CCDC148: variants seen among roughly 807,000 people sequenced by gnomAD.
The protein encoded by CCDC148 is coiled-coil domain-containing protein 148.
CCDC148 carries 89 observed loss-of-function variants against 85.7 expected under a neutral mutation model. The ratio of observed to expected loss-of-function variants is 1.04; its 90% CI spans 0.87 to 1.24. The LOEUF (loss-of-function observed/expected upper bound fraction) is 1.24, where lower values mean the gene tolerates loss of function less well. Among genes scored for constraint, CCDC148 ranks in the 50% most tolerant of loss-of-function variants. The probability of loss-of-function intolerance (pLI) is 0.00; values close to 1 mark genes in which losing one functional copy is unlikely to be tolerated. For missense variants in CCDC148, 692 were observed against 671.7 expected, an observed-to-expected ratio of 1.03 and a Z score of -0.33; for synonymous variants, 230 against 213.9, an observed-to-expected ratio of 1.08 and a Z score of -0.66.
intron 1 of CCDC148, among the ~76,000 whole-genome samples, chr2:158,421,100 G>A (rs1278994618): frequency 1.3e-5 from 2 of 152,044 alleles, no homozygotes; most frequent in Non-Finnish European, 2.9e-5. Context: ...AGTTCTTAGA[G>A]ACCTACAAAG....
At chr2:158,289,609 C>T (rs1690794083) in intron 9 of CCDC148, among the ~76,000 whole-genome samples, 1 of 152,154 alleles carries the variant, frequency 6.6e-6, no homozygotes, top group Non-Finnish European at 1.5e-5. Flanking sequence ...TGTGGAACAA[C>T]AGGATCTTTT....
chr2:158,426,666 C>T (rs1028437290), intron 1 of CCDC148, among the ~76,000 whole-genome samples: 4 of 152,182 alleles, frequency 2.6e-5, no homozygotes, highest in African/African-American at 9.7e-5. Context: ...GGGATTGGCA[C>T]ATGTGTCCGC....
chr2:158,378,387 A>C (rs13425848), intron 1 of CCDC148, among the ~76,000 whole-genome samples: 1 of 152,116 alleles, frequency 6.6e-6, no homozygotes, highest in African/African-American at 2.4e-5. Flanking sequence ...ATAAGGTTTA[A>C]GGAAGGTTGC....
At chr2:158,353,338 C>T (rs1440241953) in intron 2 of CCDC148, among the ~76,000 whole-genome samples, 19 of 148,204 alleles carry the variant, frequency 1.3e-4, no homozygotes, top group South Asian at 4.3e-4. Flanking sequence ...ACCCATCTCA[C>T]GTGCAGACAC....
At chr2:158,205,235 C>A (rs933117465) in intron 11 of CCDC148, among the ~76,000 whole-genome samples, 1 of 152,018 alleles carries the variant, frequency 6.6e-6, no homozygotes, top group Non-Finnish European at 1.5e-5. Context: ...TTTAATAAGC[C>A]CTTGGCTGTA....
intron 1 of CCDC148, among the ~76,000 whole-genome samples, chr2:158,407,391 T>C (rs962463430): frequency 1.3e-5 from 2 of 152,206 alleles, no homozygotes; most frequent in Non-Finnish European, 2.9e-5. Flanking sequence ...GGAGTCACCC[T>C]ATCTCAAGGT....
At chr2:158,327,336 A>T (rs573568490) in intron 7 of CCDC148, among the ~76,000 whole-genome samples, 4 of 152,202 alleles carry the variant, frequency 2.6e-5, no homozygotes, top group Non-Finnish European at 5.9e-5. Context: ...GATGATAAAA[A>T]CTATTCAAAC....
chr2:158,317,264 T>C (rs1692324075), intron 7 of CCDC148, among the ~76,000 whole-genome samples: 1 of 152,328 alleles, frequency 6.6e-6, no homozygotes, highest in Admixed American at 6.5e-5. Context: ...TTCCTTTTTG[T>C]CCGTCTAAAC....
At chr2:158,236,108 T>C (rs1688094587) in intron 10 of CCDC148, 1 of 152,216 alleles carries the variant, frequency 6.6e-6, no homozygotes, top group Non-Finnish European at 1.5e-5. Flanking sequence ...TGCCTTTTAT[T>C]ATAAATTGTT....
In CCDC148 at chr2:158,280,597, C is replaced by G. The variant is rs186953225; in HGVS notation, c.1110+28836G>C. Among the ~76,000 whole-genome samples the G allele has an allele frequency of 2.6e-3, 401 of 152,262 alleles. 3 individuals are homozygous for G. The highest frequency in any genetic ancestry group is 9.0e-3 in the African/African-American group (373 of 41,530). ...GCTAACTATCCTAAATATATATGCA[C>G]CCAATACAGAAGCACCCAGATTCAT... is the stretch of plus-strand genomic sequence containing the variant. On this transcript the variant is annotated intron_variant, in intron 9 of 13. Coordinates refer to ENST00000283233, the MANE Select transcript of CCDC148 (RefSeq NM_138803.4).
intron 7 of CCDC148, among the ~76,000 whole-genome samples, chr2:158,314,832 T>C (rs1692203037): frequency 6.6e-6 from 1 of 152,212 alleles, no homozygotes; most frequent in Non-Finnish European, 1.5e-5. Context: ...ATATCAATGG[T>C]CTTATACTTT....
At chr2:158,241,887 G>C (rs1688366026) in intron 10 of CCDC148, among the ~76,000 whole-genome samples, 1 of 152,082 alleles carries the variant, frequency 6.6e-6, no homozygotes, top group Non-Finnish European at 1.5e-5. Flanking sequence ...TTTACAATAA[G>C]GTCAGCAAGT....
chr2:158,226,822 A>G (rs1300555768), intron 10 of CCDC148, among the ~76,000 whole-genome samples: 7 of 152,164 alleles, frequency 4.6e-5, no homozygotes, highest in Non-Finnish European at 1.0e-4. Flanking sequence ...AATAAGAGCT[A>G]TCTATGACAA....
intron 11 of CCDC148, among the ~76,000 whole-genome samples, chr2:158,215,868 A>G (rs986855490): frequency 9.2e-5 from 14 of 152,048 alleles, no homozygotes; most frequent in Non-Finnish European, 1.9e-4. Context: ...AAGAAAAGAC[A>G]CTCAAGTACT....
intron 7 of CCDC148, among the ~76,000 whole-genome samples, chr2:158,328,463 A>C (rs1177389422): frequency 3.3e-5 from 5 of 152,134 alleles, no homozygotes; most frequent in Admixed American, 6.6e-5. Context: ...CAATAGTGCC[A>C]CAATAAACAT....
At chr2:158,222,908 G>A (rs1182988377) in intron 10 of CCDC148, among the ~76,000 whole-genome samples, 1 of 152,152 alleles carries the variant, frequency 6.6e-6, no homozygotes, top group Non-Finnish European at 1.5e-5. Flanking sequence ...GAAGACGGGT[G>A]ATTTCTGCAT....
intron 1 of CCDC148, among the ~76,000 whole-genome samples, chr2:158,360,581 G>A (rs1683895200): frequency 6.6e-6 from 1 of 152,136 alleles, no homozygotes; most frequent in Non-Finnish European, 1.5e-5. Context: ...CAGCAGAGGG[G>A]CCTGACTGTT....
intron 1 of CCDC148, among the ~76,000 whole-genome samples, chr2:158,421,145 T>C (rs1362285793): frequency 6.6e-6 from 1 of 152,112 alleles, no homozygotes; most frequent in East Asian, 1.9e-4. Flanking sequence ...AATGGGAGAC[T>C]TTAACACCCC....
At chr2:158,185,445 A>G (rs1685109443) in intron 11 of CCDC148, among the ~76,000 whole-genome samples, 1 of 152,170 alleles carries the variant, frequency 6.6e-6, no homozygotes, top group Non-Finnish European at 1.5e-5. Flanking sequence ...ACCTTCTTTG[A>G]GAATTATTTC....
Sources: gnomAD v4.1 joint callset for allele counts (sites outside exome capture counted in the v4.1 genomes callset) on GRCh38, gnomAD v4.1.1 for gene constraint, MANE v1.5 for transcripts, NCBI Gene and HGNC (gene_info 2026-07-23, HGNC 2026-07-21) for gene names.